Variants in ARHGAP22 observed in about 807,000 individuals in gnomAD.
The protein encoded by ARHGAP22 is rho GTPase-activating protein 22.
ARHGAP22 carries 48 observed loss-of-function variants against 59.1 expected under a neutral mutation model. That is an observed-to-expected ratio of 0.81 (90% CI 0.64 to 1.03). The LOEUF (loss-of-function observed/expected upper bound fraction) is 1.03. ARHGAP22 is among the 50% of genes least tolerant of loss of function. The pLI, the probability that ARHGAP22 is intolerant of heterozygous loss-of-function variation, is 0.00. For missense variants in ARHGAP22, 1,015 were observed against 958.7 expected, an observed-to-expected ratio of 1.06 and a Z score of -0.78; for synonymous variants, 445 against 416.4, an observed-to-expected ratio of 1.07 and a Z score of -0.84.
At chr10:48,480,519 G>A (rs1186046906) in intron 3 of ARHGAP22, among the ~76,000 whole-genome samples, 2 of 152,174 alleles carry the variant, frequency 1.3e-5, no homozygotes, top group Non-Finnish European at 2.9e-5. Flanking sequence ...GACATCCCTG[G>A]ACTATCTGCC....
At chr10:48,497,564 C>T (rs568261531) in intron 3 of ARHGAP22, among the ~76,000 whole-genome samples, 10 of 152,316 alleles carry the variant, frequency 6.6e-5, no homozygotes, top group East Asian at 1.9e-4. Context: ...TTTGAGGCCT[C>T]GCAGTGTGCT....
At chr10:48,613,727 C>A (rs376981706) in intron 1 of ARHGAP22, among the ~76,000 whole-genome samples, 39 of 151,782 alleles carry the variant, frequency 2.6e-4, no homozygotes, top group African/African-American at 9.2e-4. Context: ...ATGAGAACCT[C>A]CAACATCTAA....
Position 48,450,691 on chromosome 10 carries a change from G to A in ARHGAP22, c.1438C>T (p.Leu480Phe). 1 of 1,551,886 alleles carries A rather than the reference G, an allele frequency of 6.4e-7. No individual in the cohort carries two copies. The highest frequency in any genetic ancestry group is 8.7e-7 in the Non-Finnish European group (1 of 1,147,878). The stretch of plus-strand genomic sequence containing the variant: ...CTCTGCACGGAGCCCGAGTCCTTGA[G>A]CCGGTCTCCCGACGAGGCCCGGCGG... ...GHRRASSGDR[L>F]KDSGSVQRLS... is the part of the protein sequence containing the mutation. Residue 480 changes from leucine to phenylalanine, a missense_variant, in exon 9 of 10, where the codon CTC becomes TTC. Leu to Phe is a conservative substitution (Grantham distance 22). Transcript: ENST00000249601.
intron 3 of ARHGAP22, among the ~76,000 whole-genome samples, chr10:48,525,441 C>G (rs374719083): frequency 5.9e-5 from 9 of 152,160 alleles, no homozygotes; most frequent in African/African-American, 2.2e-4. Context: ...TGCATGGTAG[C>G]GCACACCTGT....
intron 1 of ARHGAP22, among the ~76,000 whole-genome samples, chr10:48,629,572 C>T (rs1022056992): frequency 5.3e-5 from 8 of 152,158 alleles, no homozygotes; most frequent in East Asian, 1.9e-4. Flanking sequence ...CATTCATCCA[C>T]GTGTCTATCA....
intron 3 of ARHGAP22, among the ~76,000 whole-genome samples, chr10:48,534,543 C>T (rs568177343): frequency 6.6e-6 from 1 of 152,346 alleles, no homozygotes; most frequent in Non-Finnish European, 1.5e-5. Context: ...CCCTACCATG[C>T]ACTCAGGGTG....
downstream of ARHGAP22, among the ~76,000 whole-genome samples, chr10:48,441,765 T>G (rs1199811205): frequency 1.3e-5 from 2 of 152,176 alleles, no homozygotes; most frequent in Admixed American, 1.3e-4. Flanking sequence ...CACATGTGTT[T>G]TTATGAGACA....
Position 48,583,076 on chromosome 10 carries a change from G to A in ARHGAP22, c.111C>T (p.Pro37=), listed in dbSNP as rs144669976. 70 of 1,614,130 alleles carry A rather than the reference G, an allele frequency of 4.3e-5. No homozygotes were observed. Among genetic ancestry groups the A allele is most frequent in the Admixed American group, 4.0e-4 (24 of 60,012 alleles). Residue 37 remains proline (P), a synonymous_variant, in exon 2 of 10, where the codon CCC becomes CCT. Transcript: ENST00000249601. The stretch of plus-strand genomic sequence containing the variant: ...TCTTCAGCCAGCCCGCCTTCAGCAC[G>A]GGGCCCAGCCTGTGAGGGCACGGCA... ...GRMPCPHRLG[P]VLKAGWLKKQ...
intron 1 of ARHGAP22, among the ~76,000 whole-genome samples, chr10:48,593,932 A>G (rs972855871): frequency 2.0e-5 from 3 of 152,226 alleles, no homozygotes; most frequent in African/African-American, 7.2e-5. Context: ...TCCTAAAGGG[A>G]AGCCCGGAGC....
At chr10:48,517,235 A>C (rs1364937617) in intron 3 of ARHGAP22, among the ~76,000 whole-genome samples, 1 of 152,248 alleles carries the variant, frequency 6.6e-6, no homozygotes. Context: ...AATTCAATTC[A>C]ATTAATTTCT....
chr10:48,507,512 G>A (rs907572041), intron 3 of ARHGAP22, among the ~76,000 whole-genome samples: 3 of 152,204 alleles, frequency 2.0e-5, no homozygotes, highest in East Asian at 1.9e-4. Context: ...GACTCAGAAA[G>A]GTTAGCCTTT....
chr10:48,452,709 C>T (rs1452374240), intron 8 of ARHGAP22, among the ~76,000 whole-genome samples: 1 of 152,192 alleles, frequency 6.6e-6, no homozygotes, highest in Non-Finnish European at 1.5e-5. Flanking sequence ...GGCTGACTGG[C>T]CTCTGGTGAG....
At chr10:48,638,060 G>T (rs187757800) in intron 1 of ARHGAP22, among the ~76,000 whole-genome samples, 3 of 152,166 alleles carry the variant, frequency 2.0e-5, no homozygotes, top group Admixed American at 2.0e-4. Flanking sequence ...TTCTCCCTCT[G>T]CCCATCCACT....
chr10:48,576,520 C>T (rs1564916047), intron 2 of ARHGAP22, among the ~76,000 whole-genome samples: 1 of 152,254 alleles, frequency 6.6e-6, no homozygotes, highest in Non-Finnish European at 1.5e-5. Flanking sequence ...GTTACCAACT[C>T]ACTCCCCTGC....
intron 5 of ARHGAP22, among the ~76,000 whole-genome samples, chr10:48,457,498 C>T (rs1172898567): frequency 4.6e-5 from 7 of 152,200 alleles, no homozygotes; most frequent in Non-Finnish European, 7.4e-5. Flanking sequence ...CCTAGGCCTC[C>T]CAGTGCTCCC....
intron 4 of ARHGAP22, among the ~76,000 whole-genome samples, chr10:48,472,813 T>A (rs939196921): frequency 2.2e-5 from 3 of 135,698 alleles, no homozygotes; most frequent in Admixed American, 7.2e-5. Context: ...TTAGGATGGC[T>A]ATTAAAAAAA....
intron 3 of ARHGAP22, chr10:48,511,420 GA>G (rs1180627822): frequency 2.0e-5 from 3 of 152,328 alleles, no homozygotes; most frequent in Admixed American, 2.0e-4. Context: ...AACTCCCAAG[GA>G]GCTGCTGCTC....
intron 1 of ARHGAP22, among the ~76,000 whole-genome samples, chr10:48,633,553 C>T (rs1484711328): frequency 6.6e-6 from 1 of 152,140 alleles, no homozygotes; most frequent in African/African-American, 2.4e-5. Context: ...TGAGATATGG[C>T]CTATTGTGGT....
chr10:48,551,536 C>T (rs2056891503), intron 3 of ARHGAP22, among the ~76,000 whole-genome samples: 1 of 152,244 alleles, frequency 6.6e-6, no homozygotes, highest in African/African-American at 2.4e-5. Context: ...GTCACCCTTT[C>T]TCTCAGCCTC....
Sources: gnomAD v4.1 joint callset for allele counts (sites outside exome capture counted in the v4.1 genomes callset) on GRCh38, gnomAD v4.1.1 for gene constraint, MANE v1.5 for transcripts, NCBI Gene and HGNC (gene_info 2026-07-23, HGNC 2026-07-21) for gene names.